RAPGEF1: variants seen among roughly 807,000 people sequenced by gnomAD.
RAPGEF1 encodes the protein CRK SH3-binding GNRP.
A neutral mutation model predicts 143.3 loss-of-function variants in RAPGEF1; 33 were observed. The observed-to-expected ratio is 0.23, with a 90% CI of 0.17 to 0.31. The LOEUF (loss-of-function observed/expected upper bound fraction) is 0.31, where lower values mean the gene tolerates loss of function less well. RAPGEF1 is among the 10% of genes least tolerant of loss of function. RAPGEF1 has a pLI of 1.00. For synonymous variants in RAPGEF1, 629 were observed against 676.5 expected (o/e 0.93, Z 1.09); for missense variants, 1,199 against 1,645.4 (o/e 0.73, Z 4.69).
At chr9:131,733,698 C>T (rs988157861) in intron 1 of RAPGEF1, among the ~76,000 whole-genome samples, 28 of 152,268 alleles carry the variant, frequency 1.8e-4, no homozygotes, top group Admixed American at 1.0e-3. Flanking sequence ...GTGGGGCAGG[C>T]GGTGGGTTGT....
intron 15 of RAPGEF1, 40 bp downstream of exon 15, chr9:131,602,021 T>C (rs1375456037): frequency 1.3e-6 from 2 of 1,503,368 alleles, no homozygotes; most frequent in East Asian, 2.4e-5. Flanking sequence ...GTGGGCGCAC[T>C]GCTCTCGGGG....
intron 1 of RAPGEF1, among the ~76,000 whole-genome samples, chr9:131,710,359 C>A (rs1835421550): frequency 6.6e-6 from 1 of 152,122 alleles, no homozygotes; most frequent in Non-Finnish European, 1.5e-5. Flanking sequence ...ATTTATAACC[C>A]CAAGCTCCAA....
intron 11 of RAPGEF1, among the ~76,000 whole-genome samples, chr9:131,619,692 G>C (rs1960185990): frequency 6.6e-6 from 1 of 152,246 alleles, no homozygotes; most frequent in South Asian, 2.1e-4. Flanking sequence ...GATAACCCTA[G>C]TGTCTCCTGT....
At chr9:131,580,185 C>T (rs1000924157) in intron 26 of RAPGEF1, 78 bp downstream of exon 26, 15 of 1,560,626 alleles carry the variant, frequency 9.6e-6, no homozygotes, top group African/African-American at 4.1e-5. Flanking sequence ...CCCCTCCCCT[C>T]GGTGTCCCGG....
At chr9:131,648,433 A>G (rs190049314) in intron 3 of RAPGEF1, among the ~76,000 whole-genome samples, 31 of 152,200 alleles carry the variant, frequency 2.0e-4, no homozygotes, top group Non-Finnish European at 2.1e-4. Context: ...AACAACAAAA[A>G]GGGGGGAAAT....
chr9:131,631,802 A>C (rs1964947694), intron 5 of RAPGEF1, among the ~76,000 whole-genome samples: 2 of 152,258 alleles, frequency 1.3e-5, no homozygotes. Flanking sequence ...ACGCCGAAAA[A>C]AATATCAAAC....
intron 16 of RAPGEF1, among the ~76,000 whole-genome samples, chr9:131,597,425 C>T (rs763971649): frequency 6.6e-6 from 1 of 152,264 alleles, no homozygotes; most frequent in Non-Finnish European, 1.5e-5. Context: ...GGGCTGCTCC[C>T]TGCCATGGCC....
intron 21 of RAPGEF1, 36 bp downstream of exon 21, chr9:131,587,906 A>G (rs1169962496): frequency 3.1e-6 from 4 of 1,306,160 alleles, no homozygotes; most frequent in Non-Finnish European, 4.2e-6. Context: ...TTCAGGGACA[A>G]ACAGTGTGGC....
At chr9:131,668,965 G>A (rs978615191) in intron 1 of RAPGEF1, among the ~76,000 whole-genome samples, 8 of 152,244 alleles carry the variant, frequency 5.3e-5, no homozygotes, top group Non-Finnish European at 1.2e-4. Context: ...AGGGGCAGGT[G>A]GAGGCAGCAT....
At chr9:131,579,721 A>G in intron 26 of RAPGEF1, 74 bp from the exon 27 acceptor site, 1 of 1,522,310 alleles carries the variant, frequency 6.6e-7, no homozygotes, top group East Asian at 2.3e-5. Flanking sequence ...ACCCTCCTGG[A>G]AGGTGCCGCG....
intron 1 of RAPGEF1, among the ~76,000 whole-genome samples, chr9:131,661,307 G>C (rs1002265823): frequency 1.3e-5 from 2 of 152,236 alleles, no homozygotes; most frequent in African/African-American, 4.8e-5. Flanking sequence ...GTTCTCACGA[G>C]TGTAGAGAGA....
chr9:131,685,224 T>C (rs1833241094), intron 1 of RAPGEF1, among the ~76,000 whole-genome samples: 1 of 152,248 alleles, frequency 6.6e-6, no homozygotes, highest in African/African-American at 2.4e-5. Context: ...ATGTGGATCC[T>C]GACTCCTGCG....
At position 131,578,132 on chromosome 9, in the gene RAPGEF1, G is replaced by C. The variant is rs1951402327; in HGVS notation, c.*1365C>G. On this transcript the variant is annotated 3_prime_UTR_variant, in exon 27 of 27. Transcript: ENST00000683357. ...ACAGCAGACCCGGAGGCATGGGCTG[G>C]GGCAGCACAACTGGGTTCCCGCAGC... 6.6e-6 allele frequency: 1 copy of C among 152,290 alleles called. No homozygotes were observed. The highest frequency in any genetic ancestry group is 1.5e-5 in the Non-Finnish European group (1 of 68,102). The allele number at this position is 152,290 out of a possible 1,614,324, so 9.4% of individuals were successfully genotyped here.
At chr9:131,582,423 A>G (rs1952011242) in intron 25 of RAPGEF1, among the ~76,000 whole-genome samples, 182 bp downstream of exon 25, 1 of 151,958 alleles carries the variant, frequency 6.6e-6, no homozygotes, top group South Asian at 2.1e-4. Flanking sequence ...ATTATATTAT[A>G]TATATGTATT....
chr9:131,720,019 G>A (rs1391140597), intron 1 of RAPGEF1, among the ~76,000 whole-genome samples: 1 of 151,900 alleles, frequency 6.6e-6, no homozygotes, highest in African/African-American at 2.4e-5. Flanking sequence ...CCGATTAGCT[G>A]GGACTACAGG....
chr9:131,710,129 AG>A (rs1396381454), intron 1 of RAPGEF1, among the ~76,000 whole-genome samples: 3 of 152,216 alleles, frequency 2.0e-5, no homozygotes, highest in Non-Finnish European at 4.4e-5. Context: ...GGGGCATGCC[AG>A]GAGAAACATT....
intron 12 of RAPGEF1, among the ~76,000 whole-genome samples, chr9:131,606,460 C>A (rs781744891): frequency 1.3e-5 from 2 of 152,204 alleles, no homozygotes; most frequent in Non-Finnish European, 2.9e-5. Flanking sequence ...TTGCCGGGCT[C>A]ACTGGCCCAC....
chr9:131,589,025 C>T lies in RAPGEF1; in HGVS notation c.2868-39G>A, dbSNP rs148856075. 1.2e-3 allele frequency: 1,974 copies of T among 1,591,736 alleles called. 4 individuals carry two copies. Among genetic ancestry groups the T allele is most frequent in the Non-Finnish European group, 1.5e-3 (1,758 of 1,164,852 alleles). On this transcript the variant is annotated intron_variant, in intron 19 of 26. Coordinates refer to ENST00000683357, the MANE Select transcript of RAPGEF1 (RefSeq NM_001377935.1). ...GAGCACAAGGTGAGGAGCAGGAACG[C>T]AAGGCCCAGGCAGAGTCTGTCTTTG...
In RAPGEF1 at chr9:131,700,065, G is replaced by T. The variant is rs557994897; in HGVS notation, c.61+39705C>A. Reference sequence around the variant, plus strand: ...TGTGCCACTGAAGCTCTCCTGCTTCGAAAGTCAACCTTCCGATGCTCAGGA... The same window carrying T: ...TGTGCCACTGAAGCTCTCCTGCTTCTAAAGTCAACCTTCCGATGCTCAGGA... On this transcript the variant is annotated intron_variant, in intron 1 of 26. Transcript: ENST00000683357. Among the ~76,000 whole-genome samples the T allele has an allele frequency of 3.4e-4, 52 of 152,182 alleles. 1 individual carries two copies. Among genetic ancestry groups the T allele is most frequent in the Middle Eastern group, 6.8e-3 (2 of 294 alleles).
Sources: gnomAD v4.1 joint callset for allele counts (sites outside exome capture counted in the v4.1 genomes callset) on GRCh38, gnomAD v4.1.1 for gene constraint, MANE v1.5 for transcripts, NCBI Gene and HGNC (gene_info 2026-07-23, HGNC 2026-07-21) for gene names.